Variants in SLC39A12 observed in about 807,000 individuals in gnomAD.
SLC39A12 encodes zinc transporter ZIP12.
In SLC39A12, 63 loss-of-function variants were observed where a neutral mutation model predicts 71.1. The observed-to-expected ratio is 0.89, with a 90% CI of 0.72 to 1.09. The LOEUF is 1.09. Ranked by LOEUF, SLC39A12 falls within the 50% of genes least tolerant of loss-of-function variation. SLC39A12 has a pLI of 0.00. For missense variants in SLC39A12, 892 were observed against 812.6 expected (o/e 1.10, Z -1.19); for synonymous variants, 351 against 301.3 (o/e 1.16, Z -1.71).
At chr10:18,025,739 GTA>G (rs1228655889) in intron 12 of SLC39A12, among the ~76,000 whole-genome samples, 1 of 152,146 alleles carries the variant, frequency 6.6e-6, no homozygotes, top group Non-Finnish European at 1.5e-5. Context: ...AATCCTTTGG[GTA>G]TTATACCCAG....
intron 4 of SLC39A12, among the ~76,000 whole-genome samples, chr10:17,976,038 G>A (rs1391357962): frequency 6.6e-6 from 1 of 152,188 alleles, no homozygotes; most frequent in Non-Finnish European, 1.5e-5. Context: ...GCTGCTACTG[G>A]GGAGGTGGGA....
rs1022958262 is a variant in SLC39A12 at position 17,983,417 on chromosome 10, G to A, written c.1096+1934G>A. Among the ~76,000 whole-genome samples the A allele has an allele frequency of 3.3e-5, 5 of 152,174 alleles. No homozygotes were observed. The South Asian group carries it at 1.0e-3, about 32-fold the overall frequency. ...GTGGGAGGATCATTGGAGCCCAGCA[G>A]TTCAAGGCTGTAGTGAGCTATGACA... On this transcript the variant is annotated intron_variant, in intron 6 of 12. Transcript: ENST00000377369.
intron 6 of SLC39A12, among the ~76,000 whole-genome samples, chr10:17,984,741 C>T (rs1835358431): frequency 6.6e-6 from 1 of 152,162 alleles, no homozygotes; most frequent in Non-Finnish European, 1.5e-5. Flanking sequence ...TTTGTATTTG[C>T]ACAATTCAGT....
At chr10:18,037,595 G>A (rs1021248649) in intron 12 of SLC39A12, among the ~76,000 whole-genome samples, 29 of 150,116 alleles carry the variant, frequency 1.9e-4, no homozygotes, top group African/African-American at 7.3e-4. Context: ...ATTATGAGAA[G>A]TAAAAGGGGG....
chr10:17,993,347 C>A, intron 9 of SLC39A12, 56 bp downstream of exon 9: 1 of 1,166,728 alleles, frequency 8.6e-7, no homozygotes, highest in Non-Finnish European at 1.2e-6. Flanking sequence ...TCCTTTATTC[C>A]TCAATGAACA....
rs1015453887 is a variant in SLC39A12, at chr10:18,041,533, TATAC to T, written c.1948-1170_1948-1167del. Among the ~76,000 whole-genome samples, 9 of 69,870 alleles carry T rather than the reference TATAC, an allele frequency of 1.3e-4. 1 individual carries two copies. Among genetic ancestry groups the T allele is most frequent in the East Asian group, 8.9e-4 (3 of 3,364 alleles). 45.8% of individuals were successfully genotyped at this position (69,870 alleles called of 152,430 possible). A position where few individuals can be genotyped will look rare whatever the true frequency, so the allele number is the denominator to read the frequency against. ...CTTTATATATATATATATGTATATA[TATAC>T]ACACACACACACACACACACGCACA... On this transcript the variant is annotated intron_variant, in intron 12 of 12. Transcript: ENST00000377369.
intron 9 of SLC39A12, among the ~76,000 whole-genome samples, chr10:17,993,599 C>T (rs941011205): frequency 1.3e-5 from 2 of 152,178 alleles, no homozygotes; most frequent in African/African-American, 2.4e-5. Context: ...ACCAGTTGAC[C>T]TTTGCCTTTG....
chr10:18,042,574 AT>A (rs1367386582), intron 12 of SLC39A12, 130 bp from the exon 13 acceptor site: 1 of 835,090 alleles, frequency 1.2e-6, no homozygotes. Flanking sequence ...GGTATTCAGC[AT>A]TTTGTAACTG....
At chr10:17,959,301 T>C (rs1353841173) in intron 2 of SLC39A12, among the ~76,000 whole-genome samples, 2 of 151,928 alleles carry the variant, frequency 1.3e-5, no homozygotes, top group African/African-American at 2.4e-5. Flanking sequence ...ACATTGAGAG[T>C]TGGTCTTAGT....
At chr10:17,979,493 C>T (rs2130806363) in intron 5 of SLC39A12, among the ~76,000 whole-genome samples, 1 of 152,298 alleles carries the variant, frequency 6.6e-6, no homozygotes, top group Admixed American at 6.5e-5. Context: ...TATTATGAAA[C>T]TATCATCAAA....
At chr10:17,963,715 A>G (rs1340796264) in intron 3 of SLC39A12, among the ~76,000 whole-genome samples, 4 of 152,194 alleles carry the variant, frequency 2.6e-5, no homozygotes, top group Non-Finnish European at 5.9e-5. Flanking sequence ...CTTTCTGACT[A>G]GATGGCATGA....
intron 4 of SLC39A12, among the ~76,000 whole-genome samples, chr10:17,970,407 C>T (rs1834937588): frequency 6.6e-6 from 1 of 151,938 alleles, no homozygotes; most frequent in African/African-American, 2.4e-5. Context: ...ATTTATTTTT[C>T]CAATCCATGA....
At chr10:17,991,043 G>C in intron 7 of SLC39A12, 108 bp from the exon 8 acceptor site, 2 of 1,135,390 alleles carry the variant, frequency 1.8e-6, no homozygotes, top group Non-Finnish European at 2.4e-6. Context: ...GCATTTCCCA[G>C]AATGAAAATT....
chr10:17,963,946 C>G (rs1179257405), intron 3 of SLC39A12, among the ~76,000 whole-genome samples: 1 of 152,108 alleles, frequency 6.6e-6, no homozygotes, highest in African/African-American at 2.4e-5. Flanking sequence ...TTGTCCAAAC[C>G]TCTCTGTGTT....
chr10:17,995,608 T>C (rs776578297), intron 9 of SLC39A12, 48 bp from the exon 10 acceptor site: 1 of 1,538,456 alleles, frequency 6.5e-7, no homozygotes, highest in Admixed American at 1.8e-5. Context: ...TTCAACAAAA[T>C]GATGGCCATT....
intron 1 of SLC39A12, among the ~76,000 whole-genome samples, chr10:17,952,924 T>G (rs961343277): frequency 6.6e-6 from 1 of 152,230 alleles, no homozygotes; most frequent in Admixed American, 6.5e-5. Flanking sequence ...CTATAACTTG[T>G]ACCACCTGTT....
chr10:18,022,285 A>G (rs182559952), intron 12 of SLC39A12, among the ~76,000 whole-genome samples: 1 of 151,594 alleles, frequency 6.6e-6, no homozygotes, highest in East Asian at 1.9e-4. Flanking sequence ...TTATCTCTTT[A>G]CATAATCCCG....
intron 4 of SLC39A12, among the ~76,000 whole-genome samples, chr10:17,967,014 TA>T (rs537690019): frequency 6.6e-6 from 1 of 152,138 alleles, no homozygotes; most frequent in African/African-American, 2.4e-5. Flanking sequence ...TTTCATAATT[TA>T]AAAAAATTAT....
intron 4 of SLC39A12, among the ~76,000 whole-genome samples, chr10:17,973,150 A>G (rs988325873): frequency 2.6e-5 from 4 of 152,020 alleles, no homozygotes; most frequent in African/African-American, 9.7e-5. Context: ...GTGTCCCCCA[A>G]CTTTTAAACT....
Sources: gnomAD v4.1 joint callset for allele counts (sites outside exome capture counted in the v4.1 genomes callset) on GRCh38, gnomAD v4.1.1 for gene constraint, MANE v1.5 for transcripts, NCBI Gene and HGNC (gene_info 2026-07-23, HGNC 2026-07-21) for gene names.